Variants in SPEG observed in about 807,000 individuals in gnomAD.
SPEG encodes striated muscle enriched protein kinase.
A neutral mutation model predicts 300.4 loss-of-function variants in SPEG; 114 were observed. The ratio of observed to expected loss-of-function variants is 0.38; its 90% CI spans 0.33 to 0.44. SPEG has a LOEUF of 0.44. Among genes scored for constraint, SPEG ranks in the 20% least tolerant of loss-of-function variants. The pLI is 1.00. For missense variants in SPEG, 4,201 were observed against 4,586.2 expected, an observed-to-expected ratio of 0.92 and a Z score of 2.43; for synonymous variants, 1,964 against 2,018.9, an observed-to-expected ratio of 0.97 and a Z score of 0.73.
In SPEG at chr2:219,479,945, C is replaced by G; in HGVS notation, c.5164-17C>G. ...CCTTGTTCATTTGGCCCGCACACCT[C>G]GCCTTGTGTCTTCCAGCCTGAGAAC... On this transcript the variant is annotated splice_polypyrimidine_tract_variant and intron_variant, in intron 24 of 40. Coordinates refer to ENST00000312358, the MANE Select transcript of SPEG (RefSeq NM_005876.5). The surrounding 1 kb of genome is among the most constrained non-coding windows in gnomAD (Gnocchi z 5.5). 6.2e-7 allele frequency: 1 copy of G among 1,614,156 alleles called. No individual in the cohort carries two copies. Among genetic ancestry groups the G allele is most frequent in the Non-Finnish European group, 8.5e-7 (1 of 1,180,008 alleles).
Position 219,435,177 on chromosome 2 carries a change from G to A in SPEG, c.200G>A (p.Ser67Asn). The stretch of plus-strand genomic sequence containing the variant: ...GACGTGCGGCTGCGGGTGGTGGTGA[G>A]CGGGACGCCCCAGCCCAGCCTCCGC... ...GSDVRLRVVVSGTPQPSLRWF... is the reference protein window; with the variant it reads ...GSDVRLRVVVNGTPQPSLRWF... The change falls in exon 1 of 41, where the codon AGC becomes AAC. Residue 67 changes from serine (S) to asparagine (N), a missense_variant. Ser to Asn is a conservative substitution (Grantham distance 46). This residue lies in a region of SPEG where 1,258 missense variants were observed against 1,293.9 expected (regional missense o/e 0.97). Coordinates refer to ENST00000312358, the MANE Select transcript of SPEG (RefSeq NM_005876.5). The A allele has an allele frequency of 6.8e-7, 1 of 1,478,606 alleles. No homozygotes were observed. Among genetic ancestry groups the A allele is most frequent in the Non-Finnish European group, 8.9e-7 (1 of 1,124,066 alleles). The allele number at this position is 1,478,606 out of a possible 1,614,324, so 91.6% of individuals were successfully genotyped here.
Position 219,480,015 on chromosome 2 carries a change from C to T in SPEG, c.5217C>T (p.Ile1739=), listed in dbSNP as rs775206578. ...CTGCGGGCGAGCAGCAGGTGCGGATCTGTGACTTTGGGAATGCCCAGGAGC... is the reference window on the plus strand; with the variant it reads ...CTGCGGGCGAGCAGCAGGTGCGGATTTGTGACTTTGGGAATGCCCAGGAGC... ...DGAAGEQQVR[I]CDFGNAQELT... is the part of the protein sequence containing the mutation. Residue 1739 remains isoleucine (I), a synonymous_variant, in exon 25 of 41, where the codon ATC becomes ATT. Transcript: ENST00000312358. The surrounding 1 kb of genome is among the most constrained non-coding windows in gnomAD (Gnocchi z 5.3). The T allele has an allele frequency of 5.6e-5, 91 of 1,614,074 alleles. No individual in the cohort carries two copies. Among genetic ancestry groups the T allele is most frequent in the Non-Finnish European group, 7.5e-5 (89 of 1,180,050 alleles).
At position 219,464,284 on chromosome 2, in the gene SPEG, A is replaced by G. The variant is rs1180134577; in HGVS notation, c.2706-149A>G. 3 of 859,696 alleles carry G rather than the reference A, an allele frequency of 3.5e-6. No individual in the cohort carries two copies. The East Asian group carries it at 7.7e-5, about 22-fold the overall frequency. The allele number at this position is 859,696 out of a possible 1,614,324, so 53.3% of individuals were successfully genotyped here. On this transcript the variant is annotated intron_variant, in intron 8 of 40. Transcript: ENST00000312358. The surrounding 1 kb of genome is among the most constrained non-coding windows in gnomAD (Gnocchi z 4.5). ...TGGGGGTAAAAACCTAGCCCTGGAA[A>G]CCAGGGATGCCCACGGTCAGTGGGA...
Position 219,464,785 on chromosome 2 carries a change from C to T in SPEG, c.2881+177C>T. 1.6e-6 allele frequency: 1 copy of T among 612,734 alleles called. No individual in the cohort carries two copies. The allele number at this position is 612,734 out of a possible 1,614,324, so 38.0% of individuals were successfully genotyped here. A position where few individuals can be genotyped will look rare whatever the true frequency, so the allele number is the denominator to read the frequency against. ...ACCAAAGCCCAGAGACAGGAAGTGA[C>T]CTGCCCAAAGCTGCACAGCACATTG... On this transcript the variant is annotated intron_variant, in intron 9 of 40. Transcript: ENST00000312358. The surrounding 1 kb of genome is among the most constrained non-coding windows in gnomAD (Gnocchi z 4.5).
In SPEG at chr2:219,488,569, A is replaced by T. The variant is rs746889654; in HGVS notation, c.7930A>T (p.Ile2644Phe). Reference sequence around the variant, plus strand: ...CAAAGATGGGCGGCAGCTGCTCAGCATCCCCCGGGCGGGCAAGCGGCACGC... The same window carrying T: ...CAAAGATGGGCGGCAGCTGCTCAGCTTCCCCCGGGCGGGCAAGCGGCACGC... Reference protein sequence around the residue: ...SCKDGRQLLSIPRAGKRHAGL... With the variant: ...SCKDGRQLLSFPRAGKRHAGL... Residue 2644 changes from isoleucine (I) to phenylalanine (F), a missense_variant, in exon 33 of 41, where the codon ATC becomes TTC. Physicochemically the swap from Ile to Phe is conservative, Grantham distance 21 (BLOSUM62 0). Around this residue, in one of 4 missense-constraint regions of SPEG, gnomAD observed 1,578 missense variants for 1,506.0 expected, o/e 1.05. Transcript: ENST00000312358. 6.2e-7 allele frequency: 1 copy of T among 1,611,828 alleles called. No homozygotes were observed. The highest frequency in any genetic ancestry group is 8.5e-7 in the Non-Finnish European group (1 of 1,179,214).
chr2:219,453,162 G>A (rs1689901193), intron 6 of SPEG, among the ~76,000 whole-genome samples: 1 of 152,206 alleles, frequency 6.6e-6, no homozygotes, highest in Admixed American at 6.5e-5. Context: ...TACCTGGCTT[G>A]GGCTGAAATT....
Position 219,469,056 on chromosome 2 carries a change from C to T in SPEG, c.3491+8C>T, listed in dbSNP as rs753933802. On this transcript the variant is annotated splice_region_variant and intron_variant, in intron 12 of 40. Transcript: ENST00000312358. ...AGCCGCCTCAGGCCCCAGGTACCAC[C>T]GGGGCCCCAAATGATGCTGGGGCTG... 84 of 1,609,942 alleles carry T rather than the reference C, an allele frequency of 5.2e-5. No homozygotes were observed. The highest frequency in any genetic ancestry group is 6.6e-5 in the Non-Finnish European group (78 of 1,177,808).
chr2:219,473,488 G>A lies in SPEG; in HGVS notation c.4148-16G>A, dbSNP rs768173253. The A allele has an allele frequency of 6.2e-6, 10 of 1,613,166 alleles. No individual in the cohort carries two copies. The highest frequency in any genetic ancestry group is 2.2e-5 in the South Asian group (2 of 91,032). The stretch of plus-strand genomic sequence containing the variant: ...ATGTCAAGCCCAGCACAGAGCCTGC[G>A]CTCTCCTCCTCCCAGGCCCAACCCT... On this transcript the variant is annotated splice_polypyrimidine_tract_variant and intron_variant, in intron 16 of 40. Transcript: ENST00000312358. The surrounding 1 kb of genome is among the most constrained non-coding windows in gnomAD (Gnocchi z 4.6).
chr2:219,487,520 A>G (rs1355561229), intron 31 of SPEG, among the ~76,000 whole-genome samples: 1 of 152,242 alleles, frequency 6.6e-6, no homozygotes, highest in African/African-American at 2.4e-5. Flanking sequence ...GAGAGAGTAA[A>G]TGACTTGCCC....
chr2:219,488,451 A>C, intron 32 of SPEG, 47 bp from the exon 33 acceptor site: 1 of 1,536,370 alleles, frequency 6.5e-7, no homozygotes, highest in Non-Finnish European at 8.8e-7. Flanking sequence ...GGGCCTGGAC[A>C]TGTGCTGCCT....
intron 9 of SPEG, 70 bp from the exon 10 acceptor site, chr2:219,467,104 C>A: frequency 6.8e-7 from 1 of 1,474,688 alleles, no homozygotes; most frequent in Non-Finnish European, 9.1e-7. Flanking sequence ...TCTGTGCGTG[C>A]GTATGTGTGT....
intron 10 of SPEG, 88 bp from the exon 11 acceptor site, chr2:219,468,490 C>G: frequency 6.9e-7 from 1 of 1,458,324 alleles, no homozygotes; most frequent in Non-Finnish European, 9.3e-7. Context: ...GCTCCAGCTT[C>G]CTGCTCAGCC....
chr2:219,490,654 T>G lies in SPEG; in HGVS notation c.9161+6T>G. ...CTCTGTGGGCTCAGTGACAGGTAGCTGGGAATTCTAGGGGAGTAGGGAGGA... is the reference window on the plus strand; with the variant it reads ...CTCTGTGGGCTCAGTGACAGGTAGCGGGGAATTCTAGGGGAGTAGGGAGGA... On this transcript the variant is annotated splice_donor_region_variant and intron_variant, in intron 37 of 40. Transcript: ENST00000312358. The G allele has an allele frequency of 1.2e-6, 2 of 1,608,698 alleles. No homozygotes were observed. Among genetic ancestry groups the G allele is most frequent in the Non-Finnish European group, 1.7e-6 (2 of 1,175,346 alleles).
At chr2:219,468,180 G>A (rs763816096) in intron 10 of SPEG, among the ~76,000 whole-genome samples, 30 of 152,196 alleles carry the variant, frequency 2.0e-4, no homozygotes, top group Non-Finnish European at 3.4e-4. Flanking sequence ...GTGGCTAGGA[G>A]CATGGGCATG....
At position 219,443,985 on chromosome 2, in the gene SPEG, A is replaced by G. The variant is rs774409665; in HGVS notation, c.389-668A>G. 80 of 1,358,420 alleles carry G rather than the reference A, an allele frequency of 5.9e-5. No individual in the cohort carries two copies. The African/African-American group carries it at 9.9e-4, about 17-fold the overall frequency. 84.1% of individuals were successfully genotyped at this position (1,358,420 alleles called of 1,614,324 possible). On this transcript the variant is annotated intron_variant, in intron 1 of 40. Transcript: ENST00000312358. The surrounding 1 kb of genome is among the most constrained non-coding windows in gnomAD (Gnocchi z 4.6). ...GCCCTGCCCCACAAACGCTCTGATA[A>G]CAGTCTGTCCCTGTCTCTCTCCTGC...
chr2:219,483,038 T>TG (rs1436909955), intron 29 of SPEG, 60 bp from the exon 30 acceptor site: 32 of 1,537,292 alleles, frequency 2.1e-5, no homozygotes, highest in African/African-American at 5.5e-5. Flanking sequence ...GAGGTGGGCC[T>TG]GGGGGGGACA....
intron 6 of SPEG, chr2:219,461,096 T>C (rs1690644826): frequency 1.1e-6 from 1 of 902,236 alleles, no homozygotes; most frequent in African/African-American, 1.8e-5. Context: ...GGCAGTCGGA[T>C]AGGAGCCAGC....
chr2:219,441,982 C>T, intron 1 of SPEG: 1 of 395,428 alleles, frequency 2.5e-6, no homozygotes. Context: ...CCCGGCCCCG[C>T]CTCCGACTCC....
chr2:219,483,304 G>A lies in SPEG; in HGVS notation c.5841G>A (p.Arg1947=), dbSNP rs1408601905. ...RPLQPEFSGS[R]VSLTDIPTED... The stretch of plus-strand genomic sequence containing the variant: ...TGCAGCCCGAGTTCTCTGGCTCCCG[G>A]GTGTCCCTCACAGACATTCCCACTG... The change falls in exon 30 of 41, where the codon CGG becomes CGA. Residue 1947 remains arginine (R), a synonymous_variant. Transcript: ENST00000312358. The A allele has an allele frequency of 6.2e-7, 1 of 1,606,500 alleles. No homozygotes were observed. The highest frequency in any genetic ancestry group is 2.2e-5 in the East Asian group (1 of 44,732).
Sources: gnomAD v4.1 joint callset for allele counts (sites outside exome capture counted in the v4.1 genomes callset) on GRCh38, gnomAD v4.1.1 for gene constraint, gnomAD v4.1.1 regional missense constraint, Gnocchi (gnomAD v3.1) non-coding constraint, MANE v1.5 for transcripts, NCBI Gene and HGNC (gene_info 2026-07-23, HGNC 2026-07-21) for gene names.